NINL: variants seen among roughly 807,000 people sequenced by gnomAD.
NINL encodes the protein ninein like.
In NINL, 153 loss-of-function variants were observed where a neutral mutation model predicts 160.3. The ratio of observed to expected loss-of-function variants is 0.95; its 90% confidence interval spans 0.84 to 1.09. NINL has a LOEUF of 1.09. Among genes scored for constraint, NINL ranks in the 50% least tolerant of loss-of-function variants. The pLI, the probability that NINL is intolerant of heterozygous loss-of-function variation, is 0.00. For missense variants in NINL, 1,829 were observed against 1,764.0 expected (o/e 1.04, Z -0.66); for synonymous variants, 800 against 734.8 (o/e 1.09, Z -1.43).
intron 1 of NINL, among the ~76,000 whole-genome samples, chr20:25,567,923 A>G (rs2065013104): frequency 6.6e-6 from 1 of 152,084 alleles, no homozygotes; most frequent in Admixed American, 6.6e-5. Flanking sequence ...TCTGTGGGAT[A>G]CAGCTAAAGC....
At chr20:25,515,231 A>G (rs565350386) in intron 3 of NINL, among the ~76,000 whole-genome samples, 1 of 152,380 alleles carries the variant, frequency 6.6e-6, no homozygotes, top group African/African-American at 2.4e-5. Flanking sequence ...GCCTGGATGT[A>G]AGACATGGAG....
intron 1 of NINL, among the ~76,000 whole-genome samples, chr20:25,564,277 G>A (rs1044882708): frequency 5.9e-5 from 9 of 151,654 alleles, no homozygotes; most frequent in Non-Finnish European, 1.3e-4. Flanking sequence ...GGCCTCCCAA[G>A]TAGCTGAGAT....
At chr20:25,468,314 C>G (rs2062969532) in intron 18 of NINL, among the ~76,000 whole-genome samples, 2 of 150,536 alleles carry the variant, frequency 1.3e-5, no homozygotes, top group Non-Finnish European at 3.0e-5. Context: ...GATGGGTGGC[C>G]CCCCGTCTGG....
intron 4 of NINL, 66 bp downstream of exon 4, chr20:25,512,768 G>A (rs2064094802): frequency 6.6e-7 from 1 of 1,514,884 alleles, no homozygotes; most frequent in Non-Finnish European, 8.9e-7. Flanking sequence ...CTACAAAAAG[G>A]GATGAAGGGA....
chr20:25,454,259 C>T (rs778262813), intron 23 of NINL, among the ~76,000 whole-genome samples: 1 of 152,138 alleles, frequency 6.6e-6, no homozygotes, highest in Admixed American at 6.5e-5. Context: ...GGTTCATCTG[C>T]GTATGCGCTA....
Position 25,476,676 on chromosome 20 carries a change from G to A in NINL, c.2615C>T (p.Ala872Val), listed in dbSNP as rs529002623. ...APGDGRESEE[A>V]AGAGPRRRQA... Reference sequence around the variant, plus strand: ...CCTGCGGCGAGGCCCGGCTCCTGCCGCCTCCTCAGACTCTCTGCCATCACC... The same window carrying A: ...CCTGCGGCGAGGCCCGGCTCCTGCCACCTCCTCAGACTCTCTGCCATCACC... Residue 872 changes from alanine to valine, a missense_variant, in exon 17 of 24, where the codon GCG becomes GTG. Coordinates refer to ENST00000278886, the MANE Select transcript of NINL (RefSeq NM_025176.6). 12 of 1,589,078 alleles carry A rather than the reference G, an allele frequency of 7.6e-6. No homozygotes were observed. The highest frequency in any genetic ancestry group is 5.4e-5 in the African/African-American group (4 of 74,694).
intron 1 of NINL, among the ~76,000 whole-genome samples, chr20:25,533,286 A>G (rs952897454): frequency 6.6e-6 from 1 of 152,194 alleles, no homozygotes; most frequent in Admixed American, 6.5e-5. Flanking sequence ...GCTGAGCCCA[A>G]AACACACACA....
At chr20:25,486,816 A>G (rs749038022) in intron 13 of NINL, among the ~76,000 whole-genome samples, 16 of 152,232 alleles carry the variant, frequency 1.1e-4, no homozygotes, top group Non-Finnish European at 1.0e-4. Context: ...GAAATCATTC[A>G]GAGTGAATCG....
intron 19 of NINL, among the ~76,000 whole-genome samples, chr20:25,465,330 T>C (rs952485971): frequency 5.9e-5 from 9 of 152,034 alleles, no homozygotes; most frequent in Non-Finnish European, 1.0e-4. Flanking sequence ...CAAAGAAGCC[T>C]CCAGAAGCCT....
At chr20:25,498,040 C>T (rs950436980) in intron 9 of NINL, among the ~76,000 whole-genome samples, 170 bp downstream of exon 9, 16 of 152,238 alleles carry the variant, frequency 1.1e-4, no homozygotes, top group African/African-American at 2.9e-4. Flanking sequence ...CTGCGAGCGC[C>T]GGCTTGAGGG....
chr20:25,482,263 C>T (rs942392541), intron 13 of NINL, among the ~76,000 whole-genome samples, 163 bp from the exon 14 acceptor site: 1 of 152,218 alleles, frequency 6.6e-6, no homozygotes, highest in Non-Finnish European at 1.5e-5. Context: ...GATTTTAAGT[C>T]GCTAACATCA....
chr20:25,491,622 CCT>C (rs1292943441), intron 10 of NINL, 97 bp from the exon 11 acceptor site: 8 of 1,449,408 alleles, frequency 5.5e-6, no homozygotes, highest in South Asian at 1.3e-5. Flanking sequence ...TAGAAACGCC[CCT>C]GTCCTCAGCA....
intron 1 of NINL, among the ~76,000 whole-genome samples, chr20:25,570,397 T>A (rs2065040147): frequency 6.6e-6 from 1 of 152,058 alleles, no homozygotes. Context: ...TGAGATTTGG[T>A]TGTTTAAAGG....
At chr20:25,583,213 G>A (rs2065193204) in intron 1 of NINL, among the ~76,000 whole-genome samples, 1 of 152,088 alleles carries the variant, frequency 6.6e-6, no homozygotes, top group Non-Finnish European at 1.5e-5. Context: ...TAAAATTTTT[G>A]CAATCTACCC....
chr20:25,480,315 G>A (rs751793257), intron 14 of NINL, 48 bp from the exon 15 acceptor site: 2 of 1,509,846 alleles, frequency 1.3e-6, no homozygotes. Flanking sequence ...GATGCCACGG[G>A]GGCCCCTTCC....
intron 11 of NINL, 128 bp downstream of exon 11, chr20:25,491,223 C>T (rs1267889109): frequency 6.8e-6 from 8 of 1,173,804 alleles, no homozygotes; most frequent in Non-Finnish European, 9.4e-6. Flanking sequence ...CTCCCTCGGG[C>T]CCTGCCCTGA....
At chr20:25,494,049 A>G (rs1334329647) in intron 10 of NINL, among the ~76,000 whole-genome samples, 1 of 151,972 alleles carries the variant, frequency 6.6e-6, no homozygotes, top group African/African-American at 2.4e-5. Context: ...GGGGGCCCAC[A>G]GGCCGCACAG....
chr20:25,573,493 GCA>G (rs1322222464), intron 1 of NINL, among the ~76,000 whole-genome samples: 2 of 152,048 alleles, frequency 1.3e-5, no homozygotes, highest in African/African-American at 4.8e-5. Context: ...ATCCTAAAGT[GCA>G]CAGACTCTGA....
chr20:25,552,341 C>A (rs6050678), intron 1 of NINL, among the ~76,000 whole-genome samples: 1 of 151,996 alleles, frequency 6.6e-6, no homozygotes, highest in Non-Finnish European at 1.5e-5. Context: ...CAAGACTAGC[C>A]TGAGCAGCAT....
Sources: gnomAD v4.1 joint callset for allele counts (sites outside exome capture counted in the v4.1 genomes callset) on GRCh38, gnomAD v4.1.1 for gene constraint, MANE v1.5 for transcripts, NCBI Gene and HGNC (gene_info 2026-07-23, HGNC 2026-07-21) for gene names.